The following PCSK6 variants were observed in gnomAD, a reference collection of about 807,000 sequenced individuals.
PCSK6 encodes proprotein convertase subtilisin/kexin type 6.
A neutral mutation model predicts 123.3 loss-of-function variants in PCSK6; 85 were observed. That is an observed-to-expected ratio of 0.69 (90% CI 0.58 to 0.83). The LOEUF (loss-of-function observed/expected upper bound fraction) is 0.83. PCSK6 is among the 40% of genes least tolerant of loss of function. PCSK6 has a pLI of 0.00. For synonymous variants in PCSK6, 508 were observed against 516.0 expected, an observed-to-expected ratio of 0.98 and a Z score of 0.21; for missense variants, 1,191 against 1,282.3, an observed-to-expected ratio of 0.93 and a Z score of 1.09.
chr15:101,397,458 G>A (rs539252943), intron 7 of PCSK6, among the ~76,000 whole-genome samples: 2 of 152,194 alleles, frequency 1.3e-5, no homozygotes, highest in East Asian at 1.9e-4. Context: ...TATTTTAAAC[G>A]ATATAAATTT....
intron 6 of PCSK6, among the ~76,000 whole-genome samples, chr15:101,412,713 A>ATATATATATATAT (rs201205244): frequency 9.8e-5 from 11 of 112,674 alleles, no homozygotes; most frequent in Admixed American, 1.8e-4. Flanking sequence ...ATATATATAT[A>ATATATATATATAT]AAATTACCCA....
intron 1 of PCSK6, among the ~76,000 whole-genome samples, chr15:101,452,617 C>T (rs1256513376): frequency 2.6e-5 from 4 of 152,118 alleles, no homozygotes; most frequent in African/African-American, 4.8e-5. Context: ...GTGAGGAGGG[C>T]GCTCACATGG....
At chr15:101,416,340 C>A (rs1245549792) in intron 6 of PCSK6, among the ~76,000 whole-genome samples, 1 of 152,152 alleles carries the variant, frequency 6.6e-6, no homozygotes, top group Non-Finnish European at 1.5e-5. Flanking sequence ...GAGTATCTGG[C>A]AGAAGAAATT....
At chr15:101,361,058 T>C (rs1483583345) in intron 13 of PCSK6, among the ~76,000 whole-genome samples, 4 of 152,210 alleles carry the variant, frequency 2.6e-5, no homozygotes, top group African/African-American at 9.7e-5. Flanking sequence ...AAGGCTGTGT[T>C]CTTGGAGGGG....
At chr15:101,338,826 C>T (rs2040539414) in intron 13 of PCSK6, among the ~76,000 whole-genome samples, 2 of 152,182 alleles carry the variant, frequency 1.3e-5, no homozygotes, top group South Asian at 4.1e-4. Context: ...CAGCAGGCTG[C>T]CTCCAGATGT....
chr15:101,405,671 CACTT>C (rs1305511157), intron 6 of PCSK6, among the ~76,000 whole-genome samples: 1 of 148,138 alleles, frequency 6.8e-6, no homozygotes, highest in Non-Finnish European at 1.5e-5. Context: ...TTTTACAACT[CACTT>C]AGTGAAGCTA....
chr15:101,357,990 G>A (rs1229891845), intron 13 of PCSK6, among the ~76,000 whole-genome samples: 1 of 152,194 alleles, frequency 6.6e-6, no homozygotes, highest in Non-Finnish European at 1.5e-5. Flanking sequence ...TGCACTCATG[G>A]AAGGGCCCAG....
chr15:101,391,786 T>C (rs74032820), intron 8 of PCSK6, among the ~76,000 whole-genome samples: 2,895 of 121,674 alleles, frequency 0.024, 106 homozygotes, highest in African/African-American at 0.09. Context: ...TGGACTCTAG[T>C]AGAGCTGAAA....
In PCSK6 at chr15:101,402,369, T is replaced by C. The variant is rs376097328; in HGVS notation, c.824-3793A>G. 3.0e-3 allele frequency among the ~76,000 whole-genome samples: 445 copies of C among 150,474 alleles called. 6 individuals are homozygous for C. The highest frequency in any genetic ancestry group is 0.021 in the Admixed American group (323 of 15,134). On this transcript the variant is annotated intron_variant, in intron 6 of 21. Coordinates refer to ENST00000611716, the MANE Select transcript of PCSK6 (RefSeq NM_002570.5). ...CAGGACATAGGCATGGGCAAGGACT[T>C]CATGTCTAAAACACCAAAAGCAATG... is the stretch of plus-strand genomic sequence containing the variant.
chr15:101,358,005 G>T (rs941322136), intron 13 of PCSK6, among the ~76,000 whole-genome samples: 1 of 152,198 alleles, frequency 6.6e-6, no homozygotes, highest in African/African-American at 2.4e-5. Context: ...GCCCAGACCT[G>T]CCCCTGGAAG....
At position 101,326,483 on chromosome 15, in the gene PCSK6, A is replaced by C; in HGVS notation, c.2078-4T>G. 1 of 1,571,490 alleles carries C rather than the reference A, an allele frequency of 6.4e-7. No individual in the cohort carries two copies. Among genetic ancestry groups the C allele is most frequent in the Non-Finnish European group, 8.6e-7 (1 of 1,157,688 alleles). On this transcript the variant is annotated splice_region_variant and splice_polypyrimidine_tract_variant and intron_variant, in intron 15 of 21. Coordinates refer to ENST00000611716, the MANE Select transcript of PCSK6 (RefSeq NM_002570.5). ...CCACACTCCGGATGGCACACACCTT[A>C]AAGAAACAAGCATTGCCTTTCATCC...
chr15:101,449,199 T>C (rs2056969836), intron 1 of PCSK6, among the ~76,000 whole-genome samples: 2 of 152,232 alleles, frequency 1.3e-5, no homozygotes, highest in African/African-American at 4.8e-5. Flanking sequence ...CATCCTCCAA[T>C]ACTTTAAATC....
At chr15:101,443,497 T>C in intron 2 of PCSK6, 59 bp downstream of exon 2, 1 of 1,211,512 alleles carries the variant, frequency 8.3e-7, no homozygotes, top group Non-Finnish European at 1.2e-6. Context: ...ACTCCGCCAT[T>C]TTTAAGACCA....
intron 18 of PCSK6, among the ~76,000 whole-genome samples, chr15:101,321,409 G>A (rs1400714235): frequency 6.6e-6 from 1 of 152,204 alleles, no homozygotes; most frequent in Non-Finnish European, 1.5e-5. Flanking sequence ...GAGGCAGGCT[G>A]AAGGAAATGA....
intron 2 of PCSK6, among the ~76,000 whole-genome samples, chr15:101,440,139 A>T (rs1327842394): frequency 6.6e-6 from 1 of 152,254 alleles, no homozygotes; most frequent in Non-Finnish European, 1.5e-5. Flanking sequence ...CAAAAGAACA[A>T]GTTAAAAACA....
At chr15:101,447,750 T>A (rs2056928095) in intron 1 of PCSK6, among the ~76,000 whole-genome samples, 1 of 152,260 alleles carries the variant, frequency 6.6e-6, no homozygotes, top group Non-Finnish European at 1.5e-5. Context: ...GGCTGCTGCT[T>A]GGCTGTGGCC....
chr15:101,344,549 T>C (rs2040688112), intron 13 of PCSK6, among the ~76,000 whole-genome samples: 1 of 152,188 alleles, frequency 6.6e-6, no homozygotes, highest in South Asian at 2.1e-4. Context: ...TCCCCTTGGC[T>C]GAACTCAACT....
At chr15:101,426,969 C>T (rs532304978) in intron 6 of PCSK6, among the ~76,000 whole-genome samples, 3 of 152,302 alleles carry the variant, frequency 2.0e-5, no homozygotes, top group East Asian at 1.9e-4. Flanking sequence ...TGGGTGAGGC[C>T]GCAGTCCCTG....
chr15:101,377,909 A>C (rs565651382), intron 11 of PCSK6, among the ~76,000 whole-genome samples: 2 of 152,344 alleles, frequency 1.3e-5, no homozygotes, highest in African/African-American at 4.8e-5. Flanking sequence ...ACCAGCAGAA[A>C]CTAAAGACGT....
Sources: gnomAD v4.1 joint callset for allele counts (sites outside exome capture counted in the v4.1 genomes callset) on GRCh38, gnomAD v4.1.1 for gene constraint, MANE v1.5 for transcripts, NCBI Gene and HGNC (gene_info 2026-07-23, HGNC 2026-07-21) for gene names.